The following SPG11 variants were observed in gnomAD, a reference collection of about 807,000 sequenced individuals.
SPG11 encodes the protein SPG11 vesicle trafficking associated, spatacsin.
SPG11 carries 222 observed loss-of-function variants against 274.0 expected under a neutral mutation model. The ratio of observed to expected loss-of-function variants is 0.81; its 90% confidence interval spans 0.73 to 0.91. The LOEUF is 0.91. Among genes scored for constraint, SPG11 ranks in the 40% least tolerant of loss-of-function variants. The pLI, the probability that SPG11 is intolerant of heterozygous loss-of-function variation, is 0.00. For synonymous variants in SPG11, 1,144 were observed against 1,039.7 expected (o/e 1.10, Z -1.93); for missense variants, 3,114 against 2,872.7 (o/e 1.08, Z -1.92).
At chr15:44,575,711 T>A (rs923302287) in intron 30 of SPG11, among the ~76,000 whole-genome samples, 1 of 151,878 alleles carries the variant, frequency 6.6e-6, no homozygotes, top group Admixed American at 6.6e-5. Flanking sequence ...ATCAGGCTGG[T>A]CTCAAACTCC....
intron 15 of SPG11, 77 bp downstream of exon 15, chr15:44,620,113 G>T: frequency 8.7e-7 from 1 of 1,153,728 alleles, no homozygotes; most frequent in Non-Finnish European, 1.3e-6. Flanking sequence ...CATTTCAAAG[G>T]AAAAGCTATA....
intron 26 of SPG11, among the ~76,000 whole-genome samples, chr15:44,594,711 CTTA>C (rs2082990797): frequency 6.6e-6 from 1 of 151,792 alleles, no homozygotes; most frequent in African/African-American, 2.4e-5. Context: ...TGGAGTGAGC[CTTA>C]TTATGACACT....
intron 7 of SPG11, among the ~76,000 whole-genome samples, chr15:44,638,904 G>A (rs1459305925): frequency 1.3e-5 from 2 of 151,916 alleles, no homozygotes; most frequent in African/African-American, 4.8e-5. Context: ...GCTGAGGCAG[G>A]AGAATCGCTT....
chr15:44,572,576 G>T, intron 33 of SPG11, 107 bp downstream of exon 33: 1 of 1,135,528 alleles, frequency 8.8e-7, no homozygotes, highest in Non-Finnish European at 1.3e-6. Flanking sequence ...TGGAGGGCTA[G>T]GCATCCAGAG....
In SPG11 at chr15:44,622,213, A is replaced by G. The variant is rs765500297; in HGVS notation, c.2444+7T>C. On this transcript the variant is annotated splice_region_variant and intron_variant, in intron 13 of 39. Coordinates refer to ENST00000261866, the MANE Select transcript of SPG11 (RefSeq NM_025137.4). ...TAATATTATCAAAAGAGGACTAATG[A>G]GACTACCTGGGAAATGACTGGATTT... The G allele has an allele frequency of 8.1e-6, 13 of 1,611,878 alleles. No individual in the cohort carries two copies. Among genetic ancestry groups the G allele is most frequent in the Non-Finnish European group, 2.5e-6 (3 of 1,178,434 alleles).
At chr15:44,574,515 T>C (rs1384086137) in intron 31 of SPG11, among the ~76,000 whole-genome samples, 2 of 152,196 alleles carry the variant, frequency 1.3e-5, no homozygotes, top group Non-Finnish European at 2.9e-5. Context: ...GTACAGACGA[T>C]TTCTGCTTCC....
intron 25 of SPG11, 120 bp from the exon 26 acceptor site, chr15:44,595,579 G>T (rs1595859525): frequency 1.8e-6 from 2 of 1,103,754 alleles, no homozygotes; most frequent in Non-Finnish European, 1.3e-6. Flanking sequence ...AAAATGGCTT[G>T]AAAAGCCTTC....
intron 27 of SPG11, among the ~76,000 whole-genome samples, chr15:44,589,857 G>A (rs2082859364): frequency 6.6e-6 from 1 of 152,200 alleles, no homozygotes; most frequent in South Asian, 2.1e-4. Context: ...CTAGGCTGGA[G>A]TACAGTGGTG....
At position 44,574,953 on chromosome 15, in the gene SPG11, G is replaced by A; in HGVS notation, c.5955C>T (p.Leu1985=). The A allele has an allele frequency of 6.2e-7, 1 of 1,614,110 alleles. No homozygotes were observed. The highest frequency in any genetic ancestry group is 1.1e-5 in the South Asian group (1 of 91,086). The change falls in exon 31 of 40, where the codon CTC becomes CTT. Residue 1985 remains leucine (L), a synonymous_variant. Coordinates refer to ENST00000261866, the MANE Select transcript of SPG11 (RefSeq NM_025137.4). The part of the protein sequence containing the change: ...TNLEVLTSKC[L]HGKNYCRQVL... ...CCTGTCGACAGTAGTTCTTCCCATG[G>A]AGGCATTTGCTTGTCAGCACTTCCA...
At chr15:44,631,361 C>A (rs1173639168) in intron 8 of SPG11, among the ~76,000 whole-genome samples, 1 of 152,118 alleles carries the variant, frequency 6.6e-6, no homozygotes, top group Non-Finnish European at 1.5e-5. Flanking sequence ...GGAAAAAACA[C>A]AGATTATAAA....
chr15:44,583,820 G>A lies in SPG11; in HGVS notation c.5860C>T (p.His1954Tyr), dbSNP rs368382627. The A allele has an allele frequency of 9.3e-6, 15 of 1,613,956 alleles. No individual in the cohort carries two copies. The highest frequency in any genetic ancestry group is 1.2e-5 in the Non-Finnish European group (14 of 1,180,036). ...TCTGATCTCCTTCACTTACTGCTGT[G>A]GACTCTCCTTAGGGGAATGTCGGGT... ...EAPDIPLRRV[H>Y]STSSLDSQKF... Residue 1954 changes from histidine to tyrosine, a missense_variant, in exon 30 of 40, where the codon CAC becomes TAC. Transcript: ENST00000261866.
At chr15:44,588,939 C>T (rs1472850754) in intron 28 of SPG11, among the ~76,000 whole-genome samples, 1 of 152,188 alleles carries the variant, frequency 6.6e-6, no homozygotes. Flanking sequence ...ATGTCTTGAT[C>T]TGTTGCTAGG....
intron 19 of SPG11, among the ~76,000 whole-genome samples, chr15:44,607,863 A>C (rs943889204): frequency 4.6e-5 from 7 of 152,230 alleles, no homozygotes; most frequent in African/African-American, 1.7e-4. Context: ...CATTGAGAAG[A>C]GATAGTTAGA....
At chr15:44,655,004 A>G (rs1175690272) in intron 4 of SPG11, among the ~76,000 whole-genome samples, 1 of 152,236 alleles carries the variant, frequency 6.6e-6, no homozygotes, top group African/African-American at 2.4e-5. Context: ...TGCTGTAATA[A>G]TATCATGGCC....
At chr15:44,655,945 T>C (rs557939010) in intron 4 of SPG11, among the ~76,000 whole-genome samples, 1 of 152,290 alleles carries the variant, frequency 6.6e-6, no homozygotes, top group East Asian at 1.9e-4. Flanking sequence ...TCTTACTGTA[T>C]GTAATATTTC....
intron 25 of SPG11, 70 bp from the exon 26 acceptor site, chr15:44,595,529 A>G (rs1196614357): frequency 2.7e-6 from 4 of 1,484,620 alleles, no homozygotes; most frequent in East Asian, 2.3e-5. Context: ...CTACAGATGG[A>G]TATTTCCTGT....
At chr15:44,649,612 C>T (rs2084705659) in intron 6 of SPG11, among the ~76,000 whole-genome samples, 1 of 152,050 alleles carries the variant, frequency 6.6e-6, no homozygotes, top group Non-Finnish European at 1.5e-5. Flanking sequence ...ACTAAATTAG[C>T]CAGGCACAGT....
chr15:44,659,098 C>G lies in SPG11; in HGVS notation c.648G>C (p.Leu216Phe). 6.2e-7 allele frequency: 1 copy of G among 1,614,150 alleles called. No homozygotes were observed. The highest frequency in any genetic ancestry group is 2.2e-5 in the East Asian group (1 of 44,876). The change falls in exon 3 of 40, where the codon TTG (leucine) becomes TTC (phenylalanine). Residue 216 changes from leucine to phenylalanine, a missense_variant. Coordinates refer to ENST00000261866, the MANE Select transcript of SPG11 (RefSeq NM_025137.4). ...GGATACAGATCCAGCCTAAACTACT[C>G]AAAACAAAAAGAATTCCTCTGCAGA... ...TQLCRGILFVLSSLGWIYIFD... is the reference protein window; with the variant it reads ...TQLCRGILFVFSSLGWIYIFD...
chr15:44,610,887 G>A lies in SPG11; in HGVS notation c.3244C>T (p.Leu1082Phe), dbSNP rs1183035882. Residue 1082 changes from leucine to phenylalanine, a missense_variant, in exon 18 of 40, where the codon CTC becomes TTC. Physicochemically the swap from Leu to Phe is conservative, Grantham distance 22 (BLOSUM62 0). Coordinates refer to ENST00000261866, the MANE Select transcript of SPG11 (RefSeq NM_025137.4). ...VSSMLLEGHT[L>F]LALATTMYSP... Reference sequence around the variant, plus strand: ...TACATTGTAGTAGCAAGGGCCAGGAGGGTATGTCCTTCCAATAGCATACTG... The same window carrying A: ...TACATTGTAGTAGCAAGGGCCAGGAAGGTATGTCCTTCCAATAGCATACTG... 6 of 1,613,912 alleles carry A rather than the reference G, an allele frequency of 3.7e-6. No individual in the cohort carries two copies. In the South Asian group the frequency reaches 5.5e-5, roughly 15 times the overall value.
Sources: allele counts gnomAD v4.1 joint callset (sites outside exome capture counted in the v4.1 genomes callset), GRCh38; gene constraint gnomAD v4.1.1; transcripts MANE v1.5; gene names NCBI Gene and HGNC (gene_info 2026-07-23, HGNC 2026-07-21).